WDR41: variants seen among roughly 807,000 people sequenced by gnomAD.
The protein encoded by WDR41 is WD repeat-containing protein 41.
In WDR41, 63 loss-of-function variants were observed where a neutral mutation model predicts 69.3. The observed-to-expected ratio is 0.91, with a 90% CI of 0.74 to 1.12. WDR41 has a LOEUF of 1.12. Among genes scored for constraint, WDR41 ranks in the 50% most tolerant of loss-of-function variants. The probability of loss-of-function intolerance (pLI) is 0.00; values close to 1 mark genes in which losing one functional copy is unlikely to be tolerated. For missense variants in WDR41, 543 were observed against 534.5 expected (o/e 1.02, Z -0.16); for synonymous variants, 185 against 192.1 (o/e 0.96, Z 0.31).
chr5:77,603,295 A>G (rs540751557), intron 1 of WDR41, among the ~76,000 whole-genome samples: 47 of 152,184 alleles, frequency 3.1e-4, no homozygotes, highest in African/African-American at 1.1e-3. Flanking sequence ...TGTGGTTTTC[A>G]TTTGCATTTC....
intron 2 of WDR41, among the ~76,000 whole-genome samples, chr5:77,476,032 C>T (rs1424387622): frequency 6.6e-6 from 1 of 152,020 alleles, no homozygotes; most frequent in Non-Finnish European, 1.5e-5. Context: ...AATGCAGAAG[C>T]CTCAGAAGCC....
At chr5:77,477,327 A>C (rs993658648) in intron 2 of WDR41, among the ~76,000 whole-genome samples, 2 of 149,718 alleles carry the variant, frequency 1.3e-5, no homozygotes, top group Non-Finnish European at 2.9e-5. Context: ...AGCAGACCTA[A>C]TAGACATCTA....
chr5:77,539,833 A>G (rs1431104749), intron 1 of WDR41, among the ~76,000 whole-genome samples: 1 of 152,174 alleles, frequency 6.6e-6, no homozygotes, highest in African/African-American at 2.4e-5. Context: ...AATCACATAA[A>G]CTTGGATTAT....
intron 1 of WDR41, among the ~76,000 whole-genome samples, chr5:77,534,709 C>T (rs1742933241): frequency 8.9e-6 from 1 of 112,064 alleles, no homozygotes; most frequent in Non-Finnish European, 1.7e-5. Context: ...GCTGTGATTA[C>T]AGGTGTGAGC....
chr5:77,468,852 G>A (rs1040537324), intron 2 of WDR41, among the ~76,000 whole-genome samples: 2 of 152,010 alleles, frequency 1.3e-5, no homozygotes, highest in Non-Finnish European at 2.9e-5. Flanking sequence ...TTTTTGTACA[G>A]TAAGACGCAG....
At chr5:77,595,608 T>C (rs1036081433) in intron 1 of WDR41, among the ~76,000 whole-genome samples, 5 of 152,216 alleles carry the variant, frequency 3.3e-5, no homozygotes, top group African/African-American at 7.2e-5. Context: ...TTATACTTCA[T>C]TGCAAGATAG....
intron 2 of WDR41, among the ~76,000 whole-genome samples, chr5:77,469,026 T>A (rs775836669): frequency 2.0e-5 from 3 of 152,094 alleles, no homozygotes; most frequent in Admixed American, 2.0e-4. Flanking sequence ...ATTAAGAAAA[T>A]GTGGCACATA....
chr5:77,594,920 T>C (rs1439605467), intron 1 of WDR41, among the ~76,000 whole-genome samples: 1 of 152,152 alleles, frequency 6.6e-6, no homozygotes. Flanking sequence ...AGAAAATAGA[T>C]TCATGGGCTT....
At chr5:77,558,621 A>G (rs957743367) in intron 1 of WDR41, among the ~76,000 whole-genome samples, 1 of 152,210 alleles carries the variant, frequency 6.6e-6, no homozygotes, top group Admixed American at 6.5e-5. Context: ...ATCCTGAGAT[A>G]TGATTAATAA....
intron 1 of WDR41, among the ~76,000 whole-genome samples, chr5:77,519,310 C>G (rs1004129802): frequency 1.2e-4 from 18 of 151,870 alleles, no homozygotes; most frequent in African/African-American, 4.1e-4. Context: ...ACTTATCAAA[C>G]TATACTTGAG....
At chr5:77,580,986 T>A (rs1016101778) in intron 1 of WDR41, among the ~76,000 whole-genome samples, 1 of 150,902 alleles carries the variant, frequency 6.6e-6, no homozygotes, top group Non-Finnish European at 1.5e-5. Flanking sequence ...TAAAATAAAA[T>A]AAAAATAAAA....
At chr5:77,441,333 AAGTT>A (rs969808736) in intron 8 of WDR41, among the ~76,000 whole-genome samples, 1 of 152,188 alleles carries the variant, frequency 6.6e-6, no homozygotes, top group Non-Finnish European at 1.5e-5. Flanking sequence ...TAAAACATGA[AAGTT>A]AGTTAAAGGA....
chr5:77,464,392 T>A (rs1262377309), intron 3 of WDR41, among the ~76,000 whole-genome samples: 1 of 147,300 alleles, frequency 6.8e-6, no homozygotes, highest in African/African-American at 2.5e-5. Context: ...ATTACAGGCA[T>A]GTGCCACTAT....
At chr5:77,578,615 T>C (rs942076894) in intron 1 of WDR41, among the ~76,000 whole-genome samples, 2 of 152,040 alleles carry the variant, frequency 1.3e-5, no homozygotes, top group African/African-American at 4.8e-5. Flanking sequence ...GGGCCAGGCA[T>C]GGTGGCTCAC....
intron 1 of WDR41, among the ~76,000 whole-genome samples, chr5:77,613,395 T>C (rs1376213569): frequency 2.6e-5 from 4 of 152,128 alleles, no homozygotes; most frequent in South Asian, 2.1e-4. Context: ...CTTCAAACTA[T>C]ACTACAAGGC....
chr5:77,439,425 C>T (rs755858492), intron 9 of WDR41, among the ~76,000 whole-genome samples: 1 of 152,144 alleles, frequency 6.6e-6, no homozygotes, highest in Non-Finnish European at 1.5e-5. Flanking sequence ...GCAATGCAGC[C>T]GAGGCCCAAT....
intron 8 of WDR41, among the ~76,000 whole-genome samples, chr5:77,448,990 C>T (rs1312162538): frequency 6.6e-6 from 1 of 152,180 alleles, no homozygotes; most frequent in African/African-American, 2.4e-5. Flanking sequence ...AGCAGCCTTA[C>T]AGGATCGTCC....
intron 1 of WDR41, among the ~76,000 whole-genome samples, chr5:77,567,795 T>C (rs1411593807): frequency 6.6e-6 from 1 of 151,992 alleles, no homozygotes; most frequent in Non-Finnish European, 1.5e-5. Flanking sequence ...GGTCCAAGTA[T>C]ATGCATTTTA....
At position 77,433,338 on chromosome 5, in the gene WDR41, G is replaced by A. The variant is rs769952669; in HGVS notation, c.1228-51C>T. On this transcript the variant is annotated intron_variant, in intron 12 of 12. Coordinates refer to ENST00000296679, the MANE Select transcript of WDR41 (RefSeq NM_018268.4). ...TAGGGACCCCGAAAAGCAGAGAAGT[G>A]TCTAATACCACATTAACACATGTGC... 18 of 1,547,816 alleles carry A rather than the reference G, an allele frequency of 1.2e-5. No individual in the cohort carries two copies. The East Asian group carries it at 2.7e-4, about 23-fold the overall frequency.
Sources: allele counts gnomAD v4.1 joint callset (sites outside exome capture counted in the v4.1 genomes callset), GRCh38; gene constraint gnomAD v4.1.1; transcripts MANE v1.5; gene names NCBI Gene and HGNC (gene_info 2026-07-23, HGNC 2026-07-21).